PRKD1: variants seen among roughly 807,000 people sequenced by gnomAD.
PRKD1 encodes the protein serine/threonine-protein kinase D1.
In PRKD1, 63 loss-of-function variants were observed where a neutral mutation model predicts 95.9. That is an observed-to-expected ratio of 0.66 (90% CI 0.54 to 0.81). The LOEUF (loss-of-function observed/expected upper bound fraction) is 0.81, where lower values mean the gene tolerates loss of function less well. Among genes scored for constraint, PRKD1 ranks in the 30% least tolerant of loss-of-function variants. The pLI is 0.00. For synonymous variants in PRKD1, 425 were observed against 423.1 expected (o/e 1.00, Z -0.05); for missense variants, 1,048 against 1,165.3 (o/e 0.90, Z 1.47).
At chr14:29,785,597 G>A (rs1040356713) in intron 1 of PRKD1, among the ~76,000 whole-genome samples, 4 of 149,128 alleles carry the variant, frequency 2.7e-5, no homozygotes, top group Non-Finnish European at 4.4e-5. Flanking sequence ...TTCCAGTACT[G>A]TCTTGAAAAG....
chr14:29,633,774 C>G (rs1268869044), intron 8 of PRKD1, among the ~76,000 whole-genome samples: 2 of 152,168 alleles, frequency 1.3e-5, no homozygotes, highest in Non-Finnish European at 2.9e-5. Flanking sequence ...CTCTCTAACA[C>G]AGATGGTCGA....
chr14:29,605,293 G>A (rs1893664751), intron 13 of PRKD1, among the ~76,000 whole-genome samples: 1 of 152,118 alleles, frequency 6.6e-6, no homozygotes. Flanking sequence ...TGGATAAGGT[G>A]CCTACCCTTA....
chr14:29,877,742 A>G (rs1177805674), intron 1 of PRKD1, among the ~76,000 whole-genome samples: 1 of 152,184 alleles, frequency 6.6e-6, no homozygotes, highest in East Asian at 1.9e-4. Flanking sequence ...ATTGGATGGC[A>G]CTTCCTTAAA....
intron 1 of PRKD1, among the ~76,000 whole-genome samples, chr14:29,761,872 T>TC (rs1480904702): frequency 1.3e-5 from 2 of 150,300 alleles, no homozygotes; most frequent in African/African-American, 4.9e-5. Context: ...CACCTCAAAC[T>TC]CTTGGGCTCA....
In PRKD1 at chr14:29,629,659, TG is replaced by T. The variant is rs45580832; in HGVS notation, c.1673-567del. 8.4e-3 allele frequency among the ~76,000 whole-genome samples: 1,284 copies of T among 152,250 alleles called. 21 individuals carry two copies. The highest frequency in any genetic ancestry group is 0.029 in the African/African-American group (1,223 of 41,548). On this transcript the variant is annotated intron_variant, in intron 10 of 17. Coordinates refer to ENST00000331968, the MANE Select transcript of PRKD1 (RefSeq NM_002742.3). ...AACTATTATGAAATTTAAAAATAAA[TG>T]ACTTTTTTATAGAAATATTCCTCTA...
intron 2 of PRKD1, among the ~76,000 whole-genome samples, chr14:29,712,892 C>T (rs141672462): frequency 6.6e-6 from 1 of 152,214 alleles, no homozygotes; most frequent in Non-Finnish European, 1.5e-5. Context: ...AATCATGGAA[C>T]AAAAGGAATA....
intron 1 of PRKD1, among the ~76,000 whole-genome samples, chr14:29,740,444 A>G (rs1886936952): frequency 6.6e-6 from 1 of 152,222 alleles, no homozygotes; most frequent in Admixed American, 6.5e-5. Flanking sequence ...ATATTAAGGA[A>G]TATTTTCAAG....
chr14:29,900,760 T>C (rs571420869), intron 1 of PRKD1, among the ~76,000 whole-genome samples: 21 of 152,048 alleles, frequency 1.4e-4, no homozygotes, highest in Non-Finnish European at 2.6e-4. Context: ...ATCAGAGAAA[T>C]GCAAATCAAA....
At chr14:29,663,065 T>A (rs1054851878) in intron 4 of PRKD1, among the ~76,000 whole-genome samples, 1 of 146,290 alleles carries the variant, frequency 6.8e-6, no homozygotes, top group African/African-American at 2.5e-5. Context: ...GCATATTTTA[T>A]ATATAATATA....
intron 1 of PRKD1, among the ~76,000 whole-genome samples, chr14:29,892,743 T>C (rs919417733): frequency 4.6e-5 from 7 of 152,172 alleles, no homozygotes; most frequent in Non-Finnish European, 8.8e-5. Context: ...GTCCTGTTGG[T>C]ACTTTAAAAC....
intron 2 of PRKD1, among the ~76,000 whole-genome samples, chr14:29,699,358 C>T (rs1382261378): frequency 6.6e-6 from 1 of 152,116 alleles, no homozygotes; most frequent in East Asian, 1.9e-4. Flanking sequence ...TGACTGTCTG[C>T]TAGGTGAAAG....
chr14:29,824,847 A>G (rs1051536566), intron 1 of PRKD1, among the ~76,000 whole-genome samples: 1 of 152,012 alleles, frequency 6.6e-6, no homozygotes, highest in East Asian at 1.9e-4. Flanking sequence ...TATATTTTTA[A>G]TTAGAGAGCC....
chr14:29,656,783 C>CTTG (rs1167208506), intron 4 of PRKD1, among the ~76,000 whole-genome samples: 2 of 152,094 alleles, frequency 1.3e-5, no homozygotes, highest in African/African-American at 4.8e-5. Context: ...AACAGCTCTA[C>CTTG]TTGTCATGGT....
At chr14:29,867,238 T>C (rs1892941685) in intron 1 of PRKD1, among the ~76,000 whole-genome samples, 2 of 124,242 alleles carry the variant, frequency 1.6e-5, no homozygotes, top group East Asian at 2.2e-4. Flanking sequence ...GAACTGTTAA[T>C]GTACTATAAG....
chr14:29,800,155 A>G (rs1460011982), intron 1 of PRKD1, among the ~76,000 whole-genome samples: 1 of 152,220 alleles, frequency 6.6e-6, no homozygotes, highest in African/African-American at 2.4e-5. Flanking sequence ...GTTCAGAAAA[A>G]TGTGACAAGA....
At chr14:29,589,694 G>A (rs1893058751) in intron 16 of PRKD1, among the ~76,000 whole-genome samples, 2 of 151,850 alleles carry the variant, frequency 1.3e-5, no homozygotes, top group Non-Finnish European at 2.9e-5. Context: ...TTCTACAAAA[G>A]GTTGTACTCT....
intron 1 of PRKD1, among the ~76,000 whole-genome samples, chr14:29,810,095 G>C (rs1890416448): frequency 6.6e-6 from 1 of 152,100 alleles, no homozygotes. Context: ...ACTTAAGTTC[G>C]CTGTCTTATA....
At chr14:29,676,192 T>TTTTTTTTTG (rs1883201463) in intron 2 of PRKD1, among the ~76,000 whole-genome samples, 1 of 128,528 alleles carries the variant, frequency 7.8e-6, no homozygotes, top group Admixed American at 8.1e-5. Context: ...TGTTTTTTTT[T>TTTTTTTTTG]TTTTTTTTTT....
At chr14:29,636,729 G>A (rs1245902881) in intron 6 of PRKD1, among the ~76,000 whole-genome samples, 4 of 152,014 alleles carry the variant, frequency 2.6e-5, no homozygotes, top group African/African-American at 9.7e-5. Flanking sequence ...CATCACCCAG[G>A]TATTAAGCCT....
Sources: gnomAD v4.1 joint callset for allele counts (sites outside exome capture counted in the v4.1 genomes callset) on GRCh38, gnomAD v4.1.1 for gene constraint, MANE v1.5 for transcripts, NCBI Gene and HGNC (gene_info 2026-07-23, HGNC 2026-07-21) for gene names.